Variants in MBD5 observed in about 807,000 individuals in gnomAD.
MBD5 encodes methyl-CpG-binding domain protein 5.
In MBD5, 13 loss-of-function variants were observed where a neutral mutation model predicts 117.3. That is an observed-to-expected ratio of 0.11 (90% CI 0.07 to 0.18). MBD5 has a LOEUF of 0.18. MBD5 is among the 10% of genes least tolerant of loss of function. The pLI, the probability that MBD5 is intolerant of heterozygous loss-of-function variation, is 1.00. For synonymous variants in MBD5, 727 were observed against 766.4 expected (o/e 0.95, Z 0.85); for missense variants, 1,879 against 2,093.8 (o/e 0.90, Z 2.00).
intron 3 of MBD5, among the ~76,000 whole-genome samples, chr2:148,263,496 T>A (rs929988513): frequency 6.6e-6 from 1 of 152,152 alleles, no homozygotes; most frequent in Non-Finnish European, 1.5e-5. Flanking sequence ...TGGTGCTGTT[T>A]TATATATTGG....
chr2:148,311,918 G>T (rs1346375773), intron 3 of MBD5, among the ~76,000 whole-genome samples: 3 of 152,256 alleles, frequency 2.0e-5, no homozygotes, highest in East Asian at 1.9e-4. Context: ...AGCTTAGTTT[G>T]GTTGCATATG....
chr2:148,178,133 A>G (rs1323820609), intron 1 of MBD5, among the ~76,000 whole-genome samples: 3 of 152,212 alleles, frequency 2.0e-5, no homozygotes, highest in African/African-American at 4.8e-5. Context: ...TTTGTCTATT[A>G]GAGGGAATTT....
chr2:148,362,419 C>T (rs746563435), intron 4 of MBD5, among the ~76,000 whole-genome samples: 8 of 152,160 alleles, frequency 5.3e-5, no homozygotes, highest in Non-Finnish European at 1.0e-4. Context: ...GCCACTGTAG[C>T]CAGACTGCCT....
chr2:148,033,179 T>C (rs940983058), intron 1 of MBD5, among the ~76,000 whole-genome samples: 4 of 152,196 alleles, frequency 2.6e-5, no homozygotes, highest in African/African-American at 9.6e-5. Context: ...ATTTAGCACA[T>C]ATTCGTGTCA....
chr2:148,491,980 T>G (rs1681540060), intron 11 of MBD5, among the ~76,000 whole-genome samples: 1 of 151,930 alleles, frequency 6.6e-6, no homozygotes, highest in Admixed American at 6.6e-5. Flanking sequence ...AAAAAAAGAT[T>G]ATGGCCTCCC....
intron 8 of MBD5, among the ~76,000 whole-genome samples, chr2:148,476,768 C>T (rs898363486): frequency 9.2e-5 from 14 of 152,088 alleles, no homozygotes; most frequent in African/African-American, 1.2e-4. Context: ...GCAGATAAAA[C>T]GGTATAGTAG....
intron 1 of MBD5, among the ~76,000 whole-genome samples, chr2:148,024,524 A>G (rs555944498): frequency 1.2e-4 from 18 of 152,268 alleles, no homozygotes; most frequent in Non-Finnish European, 1.9e-4. Flanking sequence ...GCTTGTCATA[A>G]TCCATGTTAG....
chr2:148,452,165 T>C (rs1397658963), intron 4 of MBD5, among the ~76,000 whole-genome samples: 6 of 152,216 alleles, frequency 3.9e-5, no homozygotes, highest in African/African-American at 1.4e-4. Context: ...CTTATTTTCA[T>C]GATGTTACTT....
chr2:148,148,663 C>T (rs906748575), intron 1 of MBD5, among the ~76,000 whole-genome samples: 2 of 152,012 alleles, frequency 1.3e-5, no homozygotes, highest in African/African-American at 4.8e-5. Context: ...TTGCCTACTC[C>T]TTAAATATAT....
chr2:148,329,141 C>T (rs1235432418), intron 3 of MBD5, among the ~76,000 whole-genome samples: 4 of 152,098 alleles, frequency 2.6e-5, no homozygotes, highest in Non-Finnish European at 4.4e-5. Flanking sequence ...AGGATCCTAA[C>T]CTGGAGATAA....
intron 3 of MBD5, among the ~76,000 whole-genome samples, chr2:148,326,098 G>C (rs527667019): frequency 6.6e-6 from 1 of 152,312 alleles, no homozygotes; most frequent in East Asian, 1.9e-4. Context: ...TATGTACCCA[G>C]TAGTCATTCA....
intron 1 of MBD5, among the ~76,000 whole-genome samples, chr2:148,156,414 G>A (rs952932982): frequency 6.6e-6 from 1 of 152,172 alleles, no homozygotes; most frequent in African/African-American, 2.4e-5. Context: ...TTCTAAGAGT[G>A]CTCTTTCGTC....
chr2:148,211,780 C>G (rs1217452534), intron 2 of MBD5, among the ~76,000 whole-genome samples: 3 of 152,136 alleles, frequency 2.0e-5, no homozygotes, highest in Non-Finnish European at 4.4e-5. Context: ...GGATCTCGCT[C>G]TGTCACCCAG....
In MBD5 at chr2:148,325,671, C is replaced by T. The variant is rs1055616057; in HGVS notation, c.-679-16543C>T. Among the ~76,000 whole-genome samples the T allele has an allele frequency of 4.6e-5, 7 of 152,052 alleles. No homozygotes were observed. In the East Asian group the frequency reaches 7.7e-4, roughly 17 times the overall value. ...ATAGTAGTTTGTATTTCTGTGGGAT[C>T]GGTGGTGATATCCCCTTTATCATTT... On this transcript the variant is annotated intron_variant, in intron 3 of 13. Coordinates refer to ENST00000642680, the MANE Select transcript of MBD5 (RefSeq NM_001378120.1).
At chr2:148,460,075 A>G (rs886948940) in intron 5 of MBD5, 12 of 152,192 alleles carry the variant, frequency 7.9e-5, no homozygotes, top group African/African-American at 2.9e-4. Context: ...TTTGTTATAA[A>G]TATAATATAG....
chr2:148,389,502 C>A (rs1383305821), intron 4 of MBD5, among the ~76,000 whole-genome samples: 1 of 151,468 alleles, frequency 6.6e-6, no homozygotes, highest in African/African-American at 2.4e-5. Context: ...TTTGAGAAAT[C>A]TCCACATCAT....
intron 3 of MBD5, among the ~76,000 whole-genome samples, chr2:148,258,707 TAA>T (rs1700653760): frequency 6.6e-6 from 1 of 152,222 alleles, no homozygotes; most frequent in African/African-American, 2.4e-5. Context: ...TCCACAAAGC[TAA>T]GAGTACTTCA....
chr2:148,361,033 A>G (rs1703517605), intron 4 of MBD5, among the ~76,000 whole-genome samples: 1 of 152,052 alleles, frequency 6.6e-6, no homozygotes, highest in South Asian at 2.1e-4. Context: ...GTTTTTATTG[A>G]GAAGAAAAAT....
rs528657785 is a variant in MBD5, at chr2:148,329,989, G to A, written c.-679-12225G>A. ...TCCCAGAAACATTGAAGATAATACC[G>A]ATAAGGTAGGCAAGAGTTAAGACTT... On this transcript the variant is annotated intron_variant, in intron 3 of 13. Coordinates refer to ENST00000642680, the MANE Select transcript of MBD5 (RefSeq NM_001378120.1). Among the ~76,000 whole-genome samples the A allele has an allele frequency of 1.1e-4, 17 of 147,868 alleles. No individual in the cohort carries two copies. The South Asian group carries it at 3.0e-3, about 26-fold the overall frequency.
Sources: allele counts gnomAD v4.1 joint callset (sites outside exome capture counted in the v4.1 genomes callset), GRCh38; gene constraint gnomAD v4.1.1; transcripts MANE v1.5; gene names NCBI Gene and HGNC (gene_info 2026-07-23, HGNC 2026-07-21).